The following SLAIN2 variants were observed in gnomAD, a reference collection of about 807,000 sequenced individuals.
SLAIN2 encodes the protein SLAIN family member 2.
A neutral mutation model predicts 56.6 loss-of-function variants in SLAIN2; 31 were observed. The ratio of observed to expected loss-of-function variants is 0.55; its 90% CI spans 0.41 to 0.74. The LOEUF is 0.74. SLAIN2 is among the 30% of genes least tolerant of loss of function. The pLI, the probability that SLAIN2 is intolerant of heterozygous loss-of-function variation, is 0.00. For synonymous variants in SLAIN2, 317 were observed against 284.9 expected (o/e 1.11, Z -1.13); for missense variants, 777 against 754.2 (o/e 1.03, Z -0.35).
Position 48,341,701 on chromosome 4 carries a change from C to G in SLAIN2, c.-39C>G. ...GTCTCTTTCCCTGTCGCTGCGAGAG[C>G]GAGCGGGCGGCGGAGGCGGCGGCGG... On this transcript the variant is annotated 5_prime_UTR_variant, in exon 1 of 8. Transcript: ENST00000264313. 2 of 1,520,216 alleles carry G rather than the reference C, an allele frequency of 1.3e-6. No homozygotes were observed. The highest frequency in any genetic ancestry group is 1.8e-6 in the Non-Finnish European group (2 of 1,133,576). The allele number at this position is 1,520,216 out of a possible 1,614,324, so 94.2% of individuals were successfully genotyped here.
At chr4:48,342,218 C>T in intron 1 of SLAIN2, 90 bp downstream of exon 1, 1 of 1,309,642 alleles carries the variant, frequency 7.6e-7, no homozygotes, top group South Asian at 2.1e-5. Flanking sequence ...GGGCGCCTCG[C>T]TTTGTGTAGC....
chr4:48,366,761 GCTCCCCATTGGGC>G (rs1390877439), intron 1 of SLAIN2, among the ~76,000 whole-genome samples: 1 of 152,182 alleles, frequency 6.6e-6, no homozygotes, highest in East Asian at 1.9e-4. Context: ...TGGAGGCTGA[GCTCCCCATTGGGC>G]CTCCATGACT....
intron 1 of SLAIN2, among the ~76,000 whole-genome samples, chr4:48,352,180 A>G (rs1715030916): frequency 6.6e-6 from 1 of 152,206 alleles, no homozygotes; most frequent in Non-Finnish European, 1.5e-5. Context: ...AACACAAGTC[A>G]TAGCTACCTT....
intron 6 of SLAIN2, among the ~76,000 whole-genome samples, chr4:48,413,328 A>G (rs998335575): frequency 2.0e-5 from 3 of 152,104 alleles, no homozygotes; most frequent in Non-Finnish European, 4.4e-5. Context: ...GGTTCAGTTC[A>G]GTTATAACAC....
intron 1 of SLAIN2, among the ~76,000 whole-genome samples, chr4:48,362,744 T>TTA (rs1553902297): frequency 7.4e-6 from 1 of 134,308 alleles, no homozygotes. Flanking sequence ...TTTTTTTTTT[T>TTA]TTATTCTTTT....
intron 1 of SLAIN2, among the ~76,000 whole-genome samples, chr4:48,362,810 G>C (rs1715369562): frequency 1.8e-5 from 2 of 110,492 alleles, no homozygotes; most frequent in African/African-American, 7.1e-5. Flanking sequence ...TTCTCACAGA[G>C]GGGGATTTGG....
At chr4:48,349,899 A>G (rs878948112) in intron 1 of SLAIN2, among the ~76,000 whole-genome samples, 2 of 152,200 alleles carry the variant, frequency 1.3e-5, no homozygotes, top group Non-Finnish European at 2.9e-5. Context: ...ATTGGAACCC[A>G]AGATATGTAT....
At chr4:48,344,529 A>G (rs931684973) in intron 1 of SLAIN2, among the ~76,000 whole-genome samples, 6 of 152,212 alleles carry the variant, frequency 3.9e-5, no homozygotes, top group Non-Finnish European at 5.9e-5. Flanking sequence ...GGTTCAACAA[A>G]AATAAACAGT....
In SLAIN2 at chr4:48,383,714, C is replaced by T; in HGVS notation, c.1290C>T (p.Ser430=). The T allele has an allele frequency of 6.2e-7, 1 of 1,611,514 alleles. No individual in the cohort carries two copies. The highest frequency in any genetic ancestry group is 8.5e-7 in the Non-Finnish European group (1 of 1,178,512). ...ATACACAAGTTGACTCAGTGAAAAG[C>T]AGCAGAAGTGACTCAAATTTTCAAG... The part of the protein sequence containing the change: ...TSNTQVDSVK[S]SRSDSNFQVP... The change falls in exon 6 of 8, where the codon AGC becomes AGT. Residue 430 remains serine (S), a synonymous_variant. Transcript: ENST00000264313.
intron 1 of SLAIN2, among the ~76,000 whole-genome samples, chr4:48,343,783 A>G (rs1356159474): frequency 6.6e-6 from 1 of 152,202 alleles, no homozygotes; most frequent in Non-Finnish European, 1.5e-5. Context: ...GTATATGATG[A>G]CATACCTTTA....
intron 2 of SLAIN2, among the ~76,000 whole-genome samples, chr4:48,375,693 T>G (rs1398555603): frequency 6.6e-6 from 1 of 152,202 alleles, no homozygotes; most frequent in Admixed American, 6.5e-5. Context: ...CTAACTAGGT[T>G]TCAGACTTCT....
intron 6 of SLAIN2, among the ~76,000 whole-genome samples, chr4:48,403,218 G>T (rs1383668374): frequency 1.3e-5 from 2 of 152,230 alleles, no homozygotes; most frequent in African/African-American, 4.8e-5. Context: ...ACTTACAGAA[G>T]ATGTCTGGCT....
intron 1 of SLAIN2, among the ~76,000 whole-genome samples, chr4:48,363,706 C>T (rs1577714605): frequency 1.6e-5 from 2 of 121,564 alleles, no homozygotes; most frequent in Admixed American, 7.5e-5. Flanking sequence ...GGCAGAGGCG[C>T]CCCTCACCTC....
chr4:48,408,233 G>A lies in SLAIN2; in HGVS notation c.1361-11892G>A, dbSNP rs533988037. Among the ~76,000 whole-genome samples, 11 of 152,202 alleles carry A rather than the reference G, an allele frequency of 7.2e-5. No homozygotes were observed. The East Asian group carries it at 1.5e-3, about 21-fold the overall frequency. On this transcript the variant is annotated intron_variant, in intron 6 of 7. Coordinates refer to ENST00000264313, the MANE Select transcript of SLAIN2 (RefSeq NM_020846.2). ...TGGTCCCAGCCACTCAGGAGGGTGA[G>A]GTTGGAGGATTGCTTGAGTTTCAAG...
chr4:48,357,505 C>T (rs1217126391), intron 1 of SLAIN2, among the ~76,000 whole-genome samples: 2 of 151,882 alleles, frequency 1.3e-5, no homozygotes, highest in African/African-American at 2.4e-5. Context: ...CCTCAGCCTC[C>T]CAAGTAGCTG....
At chr4:48,346,984 T>C (rs1007789777) in intron 1 of SLAIN2, among the ~76,000 whole-genome samples, 1 of 151,822 alleles carries the variant, frequency 6.6e-6, no homozygotes, top group African/African-American at 2.4e-5. Context: ...CTCTATTCCA[T>C]TGTTAGCAGT....
chr4:48,363,468 C>T lies in SLAIN2; in HGVS notation c.390-6381C>T, dbSNP rs1314883640. Among the ~76,000 whole-genome samples the T allele has an allele frequency of 1.0e-4, 6 of 59,154 alleles. 2 individuals are homozygous for T. The highest frequency in any genetic ancestry group is 1.6e-4 in the Non-Finnish European group (4 of 24,902). The allele number at this position is 59,154 out of a possible 152,430, so 38.8% of individuals were successfully genotyped here. On this transcript the variant is annotated intron_variant, in intron 1 of 7. Coordinates refer to ENST00000264313, the MANE Select transcript of SLAIN2 (RefSeq NM_020846.2). ...CTGACACCCCCACCTACCTCCCGGA[C>T]GGGGCGGCTGGCCGGACAGAGGGGC...
chr4:48,378,145 G>A (rs115502524), intron 3 of SLAIN2, 85 bp downstream of exon 3: 15 of 1,422,126 alleles, frequency 1.1e-5, no homozygotes, highest in Middle Eastern at 1.9e-4. Context: ...TCTGCAGTTC[G>A]AGTTCATTTT....
chr4:48,366,833 A>C (rs916966898), intron 1 of SLAIN2, among the ~76,000 whole-genome samples: 1 of 152,158 alleles, frequency 6.6e-6, no homozygotes, highest in African/African-American at 2.4e-5. Context: ...TTTTTTAAGC[A>C]AGTAAAAACT....
Sources: gnomAD v4.1 joint callset for allele counts (sites outside exome capture counted in the v4.1 genomes callset) on GRCh38, gnomAD v4.1.1 for gene constraint, MANE v1.5 for transcripts, NCBI Gene and HGNC (gene_info 2026-07-23, HGNC 2026-07-21) for gene names.